The following QRICH1 variants were observed in gnomAD, a reference collection of about 807,000 sequenced individuals.
QRICH1 encodes transcriptional regulator QRICH1.
A neutral mutation model predicts 87.1 loss-of-function variants in QRICH1; 16 were observed. The ratio of observed to expected loss-of-function variants is 0.18; its 90% CI spans 0.12 to 0.28. The LOEUF is 0.28. Among genes scored for constraint, QRICH1 ranks in the 10% least tolerant of loss-of-function variants. The pLI is 1.00. For missense variants in QRICH1, 647 were observed against 951.7 expected, an observed-to-expected ratio of 0.68 and a Z score of 4.21; for synonymous variants, 367 against 368.4, an observed-to-expected ratio of 1.00 and a Z score of 0.05.
intron 3 of QRICH1, among the ~76,000 whole-genome samples, chr3:49,048,850 C>T (rs1172124671): frequency 6.7e-6 from 1 of 149,784 alleles, no homozygotes; most frequent in Non-Finnish European, 1.5e-5. Context: ...TTATCTCCAG[C>T]CATTGTAAGG....
In QRICH1 at chr3:49,076,788, G is replaced by C; in HGVS notation, c.230C>G (p.Ala77Gly). 1.2e-6 allele frequency: 2 copies of C among 1,612,040 alleles called. No homozygotes were observed. Among genetic ancestry groups the C allele is most frequent in the Non-Finnish European group, 1.7e-6 (2 of 1,178,808 alleles). Residue 77 changes from alanine (A) to glycine (G), a missense_variant, in exon 2 of 10, where the codon GCC becomes GGC. Transcript: ENST00000395443. ...CTGAACACTGGTGGTGACTGGACAG[G>C]CAAGTTCAAGCAAAGACCCAGCCAC... Reference protein sequence around the residue: ...TEVAGSLLELACPVTTSVQPQ... With the variant: ...TEVAGSLLELGCPVTTSVQPQ...
chr3:49,047,543 G>T (rs1411658527), intron 3 of QRICH1, among the ~76,000 whole-genome samples: 1 of 149,888 alleles, frequency 6.7e-6, no homozygotes, highest in African/African-American at 2.5e-5. Flanking sequence ...GAGTGCAATG[G>T]CGCAATCTCA....
intron 3 of QRICH1, among the ~76,000 whole-genome samples, chr3:49,049,614 C>G (rs985453628): frequency 2.0e-5 from 3 of 151,978 alleles, no homozygotes; most frequent in Admixed American, 2.0e-4. Context: ...TCTCCTGCCT[C>G]AGCCTCCCGA....
rs766177977 is a variant in QRICH1, at chr3:49,057,152, C to T, written c.1048G>A (p.Ala350Thr). ...VHVSGSPTAL[A>T]AVKLEDDKEK... Reference sequence around the variant, plus strand: ...TTGTCATCCTCCAGCTTAACAGCTGCCAGGGCTGTGGGTGAGCCACTGACG... The same window carrying T: ...TTGTCATCCTCCAGCTTAACAGCTGTCAGGGCTGTGGGTGAGCCACTGACG... The change falls in exon 3 of 10, where the codon GCA becomes ACA. Residue 350 changes from alanine (A) to threonine (T), a missense_variant. By Grantham distance (58) the Ala-to-Thr change is moderately conservative (BLOSUM62 0). Coordinates refer to ENST00000395443, the MANE Select transcript of QRICH1 (RefSeq NM_198880.3). The surrounding 1 kb of genome is among the most constrained non-coding windows in gnomAD (Gnocchi z 5.4). The T allele has an allele frequency of 6.2e-7, 1 of 1,614,220 alleles. No homozygotes were observed. The highest frequency in any genetic ancestry group is 8.5e-7 in the Non-Finnish European group (1 of 1,180,038).
At position 49,076,847 on chromosome 3, in the gene QRICH1, C is replaced by A. The variant is rs1431470087; in HGVS notation, c.171G>T (p.Gln57His). 2 of 1,613,926 alleles carry A rather than the reference C, an allele frequency of 1.2e-6. No homozygotes were observed. The highest frequency in any genetic ancestry group is 2.7e-5 in the African/African-American group (2 of 74,926). ...TGTCTGTGTATATGCAGTTCCCACCCTGTTGGTACACCATGGTAGTGGTGG... is the reference window on the plus strand; with the variant it reads ...TGTCTGTGTATATGCAGTTCCCACCATGTTGGTACACCATGGTAGTGGTGG... ...QTATTTMVYQ[Q>H]GGNCIYTDST... is the part of the protein sequence containing the mutation. Residue 57 changes from glutamine to histidine, a missense_variant, in exon 2 of 10, where the codon CAG becomes CAT. Physicochemically the swap from Gln to His is conservative, Grantham distance 24. This residue lies in a region of QRICH1 where 56 missense variants were observed against 109.6 expected (regional missense o/e 0.51). Transcript: ENST00000395443.
intron 3 of QRICH1, among the ~76,000 whole-genome samples, chr3:49,047,555 C>G (rs991152941): frequency 6.7e-6 from 1 of 149,340 alleles, no homozygotes; most frequent in Non-Finnish European, 1.5e-5. Flanking sequence ...GCAATCTCAG[C>G]TCACTGCACC....
intron 5 of QRICH1, 42 bp from the exon 6 acceptor site, chr3:49,044,546 G>T: frequency 1.5e-6 from 2 of 1,362,834 alleles, no homozygotes; most frequent in South Asian, 1.2e-5. Flanking sequence ...GTAGTCTCCT[G>T]AACAAGGATT....
intron 3 of QRICH1, among the ~76,000 whole-genome samples, chr3:49,052,574 C>T (rs377681860): frequency 1.3e-5 from 2 of 152,134 alleles, no homozygotes; most frequent in African/African-American, 2.4e-5. Context: ...GGCGCGATCT[C>T]GGCTCACTGC....
chr3:49,062,936 T>C (rs1575355823), intron 2 of QRICH1, among the ~76,000 whole-genome samples: 1 of 151,080 alleles, frequency 6.6e-6, no homozygotes, highest in Non-Finnish European at 1.5e-5. Context: ...GGAGGCGGAG[T>C]TTGCAGTGAG....
chr3:49,038,441 C>G (rs188447505), intron 6 of QRICH1, among the ~76,000 whole-genome samples: 1 of 151,930 alleles, frequency 6.6e-6, no homozygotes, highest in African/African-American at 2.4e-5. Flanking sequence ...GAGACTGAGT[C>G]TTGCACTGTT....
intron 2 of QRICH1, among the ~76,000 whole-genome samples, chr3:49,060,848 T>C (rs1037962417): frequency 3.3e-5 from 5 of 151,872 alleles, no homozygotes; most frequent in African/African-American, 4.8e-5. Context: ...ATCTAATGCC[T>C]GGCCAGGTGC....
intron 1 of QRICH1, among the ~76,000 whole-genome samples, chr3:49,078,694 C>CTTTT (rs57367580): frequency 8.9e-5 from 7 of 78,902 alleles, no homozygotes; most frequent in Admixed American, 1.5e-4. Context: ...CACACCTGTC[C>CTTTT]TTTTTTTTTT....
chr3:49,057,808 T>C lies in QRICH1; in HGVS notation c.392A>G (p.Gln131Arg). Residue 131 changes from glutamine (Q) to arginine (R), a missense_variant, in exon 3 of 10, where the codon CAA becomes CGA. Transcript: ENST00000395443. This position sits in a 1 kb window ranked among gnomAD's most constrained non-coding sequence, Gnocchi z 5.4. ...GATCTGCACCTGGACCTGGATGGGT[T>C]GCTCAGTAGGCTGGTGAACGGTGAG... ...PQLTVHQPTE[Q>R]PIQVQVQIQG... The C allele has an allele frequency of 6.2e-7, 1 of 1,614,044 alleles. No individual in the cohort carries two copies. Among genetic ancestry groups the C allele is most frequent in the Middle Eastern group, 1.6e-4 (1 of 6,062 alleles).
intron 2 of QRICH1, among the ~76,000 whole-genome samples, chr3:49,073,681 C>T (rs978700582): frequency 7.3e-5 from 11 of 151,710 alleles, no homozygotes; most frequent in African/African-American, 2.4e-4. Context: ...GGATCTCACT[C>T]TGTCACCCAG....
At chr3:49,050,145 A>C (rs1023542057) in intron 3 of QRICH1, among the ~76,000 whole-genome samples, 1 of 149,606 alleles carries the variant, frequency 6.7e-6, no homozygotes, top group Non-Finnish European at 1.5e-5. Flanking sequence ...GCTACTTGGG[A>C]GGCTGAGGCA....
At chr3:49,071,106 C>T (rs2093497948) in intron 2 of QRICH1, among the ~76,000 whole-genome samples, 1 of 151,972 alleles carries the variant, frequency 6.6e-6, no homozygotes, top group African/African-American at 2.4e-5. Flanking sequence ...GCTCTATCGC[C>T]CAGGCTGGAG....
intron 6 of QRICH1, among the ~76,000 whole-genome samples, chr3:49,035,693 C>CT (rs1488899752): frequency 2.0e-5 from 3 of 151,998 alleles, no homozygotes; most frequent in African/African-American, 7.3e-5. Flanking sequence ...TGGCTTGAGC[C>CT]TGGGTCCCAG....
chr3:49,071,852 C>T (rs989610915), intron 2 of QRICH1, among the ~76,000 whole-genome samples: 2 of 152,134 alleles, frequency 1.3e-5, no homozygotes, highest in African/African-American at 2.4e-5. Flanking sequence ...GCCACCATAC[C>T]CAGTTAATTT....
intron 3 of QRICH1, among the ~76,000 whole-genome samples, chr3:49,052,881 G>A (rs1476741598): frequency 3.3e-5 from 5 of 152,164 alleles, no homozygotes; most frequent in Non-Finnish European, 5.9e-5. Context: ...CTGTAAAACA[G>A]AAGTATCAGT....
Sources: gnomAD v4.1 joint callset for allele counts (sites outside exome capture counted in the v4.1 genomes callset) on GRCh38, gnomAD v4.1.1 for gene constraint, gnomAD v4.1.1 regional missense constraint, Gnocchi (gnomAD v3.1) non-coding constraint, MANE v1.5 for transcripts, NCBI Gene and HGNC (gene_info 2026-07-23, HGNC 2026-07-21) for gene names.